Variants in WIPF3 observed in about 807,000 individuals in gnomAD.
WIPF3 encodes the protein WAS/WASL interacting protein family member 3.
Under a neutral mutation model 38.9 loss-of-function variants are expected in WIPF3, and 33 were observed. That is an observed-to-expected ratio of 0.85 (90% CI 0.64 to 1.14). WIPF3 has a LOEUF of 1.14. WIPF3 is among the 50% of genes most tolerant of loss of function. The pLI is 0.00. For synonymous variants in WIPF3, 324 were observed against 269.3 expected, an observed-to-expected ratio of 1.20 and a Z score of -1.99; for missense variants, 711 against 652.5, an observed-to-expected ratio of 1.09 and a Z score of -0.98.
Position 29,834,683 on chromosome 7 carries a change from C to G in WIPF3, c.-42C>G. ...TCTTTTTCAGAGCAGAAGCCACTCT[C>G]TTGGGACCATTCATAAGCAGGAGAC... On this transcript the variant is annotated 5_prime_UTR_variant, in exon 2 of 9. Transcript: ENST00000242140. 1 of 1,455,636 alleles carries G rather than the reference C, an allele frequency of 6.9e-7. No homozygotes were observed. Among genetic ancestry groups the G allele is most frequent in the Admixed American group, 2.9e-5 (1 of 34,478 alleles). 90.2% of individuals were successfully genotyped at this position (1,455,636 alleles called of 1,614,324 possible).
rs145676628 is a variant in WIPF3 at position 29,843,652 on chromosome 7, G to A, written c.90+8838G>A. Among the ~76,000 whole-genome samples the A allele has an allele frequency of 5.3e-5, 8 of 152,224 alleles. No individual in the cohort carries two copies. In the East Asian group the frequency reaches 1.2e-3, roughly 22 times the overall value. ...TAACGATTCCTAGAAAACTGCCAGCGAACCTTTCCTCCCTCCACCAGGTTT... is the reference window on the plus strand; with the variant it reads ...TAACGATTCCTAGAAAACTGCCAGCAAACCTTTCCTCCCTCCACCAGGTTT... On this transcript the variant is annotated intron_variant, in intron 2 of 8. Coordinates refer to ENST00000242140, the MANE Select transcript of WIPF3 (RefSeq NM_001080529.3).
At chr7:29,853,133 G>C (rs1437023981) in intron 2 of WIPF3, among the ~76,000 whole-genome samples, 3 of 152,174 alleles carry the variant, frequency 2.0e-5, no homozygotes, top group Non-Finnish European at 4.4e-5. Context: ...CCAGTAATGG[G>C]TGTACGGGGA....
At chr7:29,809,507 G>A (rs1386362665) in intron 1 of WIPF3, among the ~76,000 whole-genome samples, 5 of 152,208 alleles carry the variant, frequency 3.3e-5, no homozygotes, top group Non-Finnish European at 5.9e-5. Flanking sequence ...ACTTCGAGGG[G>A]AACTATTAAA....
At chr7:29,888,351 C>T in intron 6 of WIPF3, 134 bp downstream of exon 6, 6 of 1,117,470 alleles carry the variant, frequency 5.4e-6, no homozygotes, top group Non-Finnish European at 7.5e-6. Flanking sequence ...GGGGCTCACT[C>T]CAGCACCAAC....
intron 2 of WIPF3, 83 bp from the exon 3 acceptor site, chr7:29,875,747 C>A: frequency 6.4e-7 from 1 of 1,550,858 alleles, no homozygotes; most frequent in Non-Finnish European, 8.8e-7. Context: ...CAGAGAACTG[C>A]AAGAGGAGAA....
chr7:29,806,954 G>A lies in WIPF3; in HGVS notation c.-58+276G>A, dbSNP rs549968889. On this transcript the variant is annotated intron_variant, in intron 1 of 8. Coordinates refer to ENST00000242140, the MANE Select transcript of WIPF3 (RefSeq NM_001080529.3). Reference sequence around the variant, plus strand: ...GGGCGGAAACAAACCGCGGGGTGGGGAGCGAGGTCACCACGGGGTTGCTTG... The same window carrying A: ...GGGCGGAAACAAACCGCGGGGTGGGAAGCGAGGTCACCACGGGGTTGCTTG... Among the ~76,000 whole-genome samples the A allele has an allele frequency of 4.4e-3, 675 of 151,906 alleles. 7 individuals are homozygous for A. Among genetic ancestry groups the A allele is most frequent in the African/African-American group, 0.016 (651 of 41,540 alleles).
chr7:29,834,223 A>G (rs1474821879), intron 1 of WIPF3, among the ~76,000 whole-genome samples: 1 of 152,212 alleles, frequency 6.6e-6, no homozygotes, highest in Non-Finnish European at 1.5e-5. Context: ...AGCCTGTGAC[A>G]TTCAGAAAAG....
At chr7:29,819,765 G>T (rs1441968046) in intron 1 of WIPF3, among the ~76,000 whole-genome samples, 1 of 151,760 alleles carries the variant, frequency 6.6e-6, no homozygotes, top group Non-Finnish European at 1.5e-5. Context: ...ACATCTTTTT[G>T]TTCCAAGATC....
chr7:29,853,835 G>A (rs1353449784), intron 2 of WIPF3, among the ~76,000 whole-genome samples: 1 of 152,198 alleles, frequency 6.6e-6, no homozygotes, highest in African/African-American at 2.4e-5. Context: ...CCATCCAGGT[G>A]TTCACTGGTG....
chr7:29,829,844 T>C (rs1219304385), intron 1 of WIPF3, among the ~76,000 whole-genome samples: 1 of 152,170 alleles, frequency 6.6e-6, no homozygotes, highest in Non-Finnish European at 1.5e-5. Context: ...CTAATGGTGC[T>C]TGGATGTGTA....
intron 6 of WIPF3, 85 bp downstream of exon 6, chr7:29,888,302 A>G (rs1192959996): frequency 4.7e-6 from 7 of 1,493,684 alleles, no homozygotes; most frequent in Non-Finnish European, 6.3e-6. Flanking sequence ...TGCTGGCCAC[A>G]GTGCTGCCAT....
intron 2 of WIPF3, among the ~76,000 whole-genome samples, chr7:29,850,086 A>G (rs533490518): frequency 6.6e-6 from 1 of 152,350 alleles, no homozygotes; most frequent in African/African-American, 2.4e-5. Context: ...ATCAGAAACT[A>G]TATCTGTTTA....
chr7:29,848,782 G>C (rs1201174202), intron 2 of WIPF3, among the ~76,000 whole-genome samples: 1 of 152,174 alleles, frequency 6.6e-6, no homozygotes, highest in Non-Finnish European at 1.5e-5. Flanking sequence ...GGGATTTGGA[G>C]GGGGAACGTG....
Position 29,879,052 on chromosome 7 carries a change from A to T in WIPF3, c.267A>T (p.Thr89=), listed in dbSNP as rs1583615878. Residue 89 remains threonine, a synonymous_variant, in exon 4 of 9, where the codon ACA becomes ACT. Coordinates refer to ENST00000242140, the MANE Select transcript of WIPF3 (RefSeq NM_001080529.3). ...TNKEGGGSAN[T]RGASTPPTLG... Reference sequence around the variant, plus strand: ...AAGAAGGAGGAGGTTCTGCAAACACACGAGGCGCGAGCACACCTCCCACCC... The same window carrying T: ...AAGAAGGAGGAGGTTCTGCAAACACTCGAGGCGCGAGCACACCTCCCACCC... 2 of 1,606,054 alleles carry T rather than the reference A, an allele frequency of 1.2e-6. No individual in the cohort carries two copies. Among genetic ancestry groups the T allele is most frequent in the Non-Finnish European group, 1.7e-6 (2 of 1,175,792 alleles).
intron 2 of WIPF3, 109 bp downstream of exon 2, chr7:29,834,923 C>G: frequency 7.5e-7 from 1 of 1,331,542 alleles, no homozygotes; most frequent in Non-Finnish European, 1.0e-6. Flanking sequence ...TTCCCTGTGG[C>G]AGGTGGCATC....
chr7:29,909,746 A>AT (rs1357700064), intron 8 of WIPF3, among the ~76,000 whole-genome samples: 2 of 152,072 alleles, frequency 1.3e-5, no homozygotes, highest in Non-Finnish European at 2.9e-5. Flanking sequence ...AAATTTTTAA[A>AT]TTAGCCAGAT....
intron 1 of WIPF3, among the ~76,000 whole-genome samples, chr7:29,818,969 C>G (rs1418399394): frequency 6.6e-6 from 1 of 152,066 alleles, no homozygotes; most frequent in African/African-American, 2.4e-5. Context: ...ACTTGGTTGG[C>G]GTGTATTATT....
At chr7:29,866,194 A>T (rs934664920) in intron 2 of WIPF3, among the ~76,000 whole-genome samples, 10 of 152,208 alleles carry the variant, frequency 6.6e-5, no homozygotes, top group African/African-American at 1.7e-4. Flanking sequence ...TTACATTATC[A>T]TGTATAACAG....
rs113622318 is a variant in WIPF3 at position 29,867,116 on chromosome 7, C to G, written c.91-8714C>G. ...GGCACATACAAATGCCTTCCCATTT[C>G]TTTTTATTATTGGTATTGTCATTGT... On this transcript the variant is annotated intron_variant, in intron 2 of 8. Coordinates refer to ENST00000242140, the MANE Select transcript of WIPF3 (RefSeq NM_001080529.3). Among the ~76,000 whole-genome samples the G allele has an allele frequency of 3.9e-5, 6 of 152,320 alleles. 1 individual carries two copies. The highest frequency in any genetic ancestry group is 1.4e-4 in the African/African-American group (6 of 41,578).
Sources: gnomAD v4.1 joint callset for allele counts (sites outside exome capture counted in the v4.1 genomes callset) on GRCh38, gnomAD v4.1.1 for gene constraint, MANE v1.5 for transcripts, NCBI Gene and HGNC (gene_info 2026-07-23, HGNC 2026-07-21) for gene names.